Variants in ITIH1 observed in about 807,000 individuals in gnomAD.
ITIH1 encodes the protein inter-alpha-trypsin inhibitor heavy chain 1.
ITIH1 carries 94 observed loss-of-function variants against 104.6 expected under a neutral mutation model. That is an observed-to-expected ratio of 0.90 (90% confidence interval 0.76 to 1.07). The LOEUF is 1.07. Among genes scored for constraint, ITIH1 ranks in the 50% least tolerant of loss-of-function variants. ITIH1 has a pLI of 0.00. For missense variants in ITIH1, 1,193 were observed against 1,181.4 expected, an observed-to-expected ratio of 1.01 and a Z score of -0.14; for synonymous variants, 455 against 464.4, an observed-to-expected ratio of 0.98 and a Z score of 0.26.
intron 10 of ITIH1, 56 bp downstream of exon 10, chr3:52,783,395 T>G: frequency 8.2e-6 from 13 of 1,581,180 alleles, no homozygotes; most frequent in Non-Finnish European, 9.5e-6. Flanking sequence ...ACCCGAGACA[T>G]GCAAGCTGAA....
At position 52,780,287 on chromosome 3, in the gene ITIH1, G is replaced by A. The variant is rs1047187305; in HGVS notation, c.592G>A (p.Glu198Lys). 1.4e-5 allele frequency: 23 copies of A among 1,613,170 alleles called. No individual in the cohort carries two copies. Among genetic ancestry groups the A allele is most frequent in the East Asian group, 1.1e-4 (5 of 44,878 alleles). Residue 198 changes from glutamate to lysine, a missense_variant, in exon 6 of 22, where the codon GAG becomes AAG. Physicochemically the swap from Glu to Lys is moderately conservative, Grantham distance 56 (BLOSUM62 1). Coordinates refer to ENST00000273283, the MANE Select transcript of ITIH1 (RefSeq NM_002215.4). ...HHFEIDVDIF[E>K]PQGISKLDAQ... ...GTTGCAGATTGATGTGGACATCTTC[G>A]AGCCCCAGGGGATCAGCAAGCTGGA... is the stretch of plus-strand genomic sequence containing the variant.
chr3:52,782,929 C>T (rs1185055790), intron 8 of ITIH1, 28 bp from the exon 9 acceptor site: 2 of 1,611,982 alleles, frequency 1.2e-6, no homozygotes, highest in Admixed American at 1.7e-5. Context: ...GGGGCCCTGT[C>T]TGTCTACTGA....
intron 8 of ITIH1, 46 bp from the exon 9 acceptor site, chr3:52,782,911 G>A: frequency 4.4e-6 from 7 of 1,601,174 alleles, no homozygotes; most frequent in Non-Finnish European, 6.0e-6. Flanking sequence ...CTGTCCTGGG[G>A]CCACCCTGGG....
Position 52,790,734 on chromosome 3 carries a change from C to T in ITIH1, c.2322-15C>T, listed in dbSNP as rs1699331371. The T allele has an allele frequency of 6.2e-7, 1 of 1,607,582 alleles. No homozygotes were observed. Among genetic ancestry groups the T allele is most frequent in the Non-Finnish European group, 8.5e-7 (1 of 1,177,662 alleles). ...GTGCAGCCGCACCTGCCCTCTCGGC[C>T]ACCTGGCTCTGCAGGGTGGTGGTGA... On this transcript the variant is annotated splice_polypyrimidine_tract_variant and intron_variant, in intron 19 of 21. Transcript: ENST00000273283.
At chr3:52,785,333 C>T (rs1699174438) in intron 12 of ITIH1, 104 bp downstream of exon 12, 1 of 1,112,240 alleles carries the variant, frequency 9.0e-7, no homozygotes, top group South Asian at 1.4e-5. Flanking sequence ...CTCTCTTTCC[C>T]CAGAGTAGTA....
chr3:52,780,441 C>A lies in ITIH1; in HGVS notation c.687+59C>A, dbSNP rs927992337. On this transcript the variant is annotated intron_variant, in intron 6 of 21. Transcript: ENST00000273283. ...CTTTGGAGACTTCTCAGCCTGCCCA[C>A]CCCTTATGGAATGTCCAGCCTTAGC... is the stretch of plus-strand genomic sequence containing the variant. The A allele has an allele frequency of 2.5e-6, 3 of 1,182,476 alleles. No homozygotes were observed. In the African/African-American group the frequency reaches 4.5e-5, roughly 18 times the overall value. 73.2% of individuals were successfully genotyped at this position (1,182,476 alleles called of 1,614,324 possible).
At chr3:52,786,480 G>A in intron 13 of ITIH1, 46 bp downstream of exon 13, 2 of 1,541,714 alleles carry the variant, frequency 1.3e-6, no homozygotes, top group Non-Finnish European at 1.8e-6. Flanking sequence ...CCACCCCAGA[G>A]TCCCCCCACC....
chr3:52,780,350 C>T lies in ITIH1; in HGVS notation c.655C>T (p.Gln219Ter), dbSNP rs752264344. Residue 219 changes from glutamine (Q) to a stop codon, truncating the protein, a stop_gained, in exon 6 of 22, where the codon CAA becomes TAA. Transcript: ENST00000273283. LOFTEE classifies it high-confidence loss of function. ...TTTCCTGCCGAAGGAACTGGCAGCC[C>T]AAACTATCAAGAAGTCCTTCTCAGG... ...ASFLPKELAA[Q>*]TIKKSFSGKK... 3.1e-6 allele frequency: 5 copies of T among 1,614,008 alleles called. No homozygotes were observed. Among genetic ancestry groups the T allele is most frequent in the Non-Finnish European group, 1.7e-6 (2 of 1,179,944 alleles).
chr3:52,779,746 T>C lies in ITIH1; in HGVS notation c.573+152T>C. On this transcript the variant is annotated intron_variant, in intron 5 of 21. Transcript: ENST00000273283. This position sits in a 1 kb window ranked among gnomAD's most constrained non-coding sequence, Gnocchi z 4.4. ...CAGGGTGAGCTCTGATGTGCTCTTC[T>C]TGGGCAGGGAACTCCCTGAATTCTC... is the stretch of plus-strand genomic sequence containing the variant. 9.3e-7 allele frequency: 1 copy of C among 1,077,442 alleles called. No individual in the cohort carries two copies. Among genetic ancestry groups the C allele is most frequent in the Non-Finnish European group, 1.4e-6 (1 of 727,896 alleles). The allele number at this position is 1,077,442 out of a possible 1,614,324, so 66.7% of individuals were successfully genotyped here.
At chr3:52,778,793 C>T in intron 3 of ITIH1, 149 bp from the exon 4 acceptor site, 2 of 1,073,806 alleles carry the variant, frequency 1.9e-6, no homozygotes, top group Non-Finnish European at 2.7e-6. Context: ...CTGCTCACCT[C>T]ATTGCCCATG....
Position 52,784,520 on chromosome 3 carries a change from G to GA in ITIH1, c.1407+43_1407+44insA. On this transcript the variant is annotated intron_variant, in intron 11 of 21. Coordinates refer to ENST00000273283, the MANE Select transcript of ITIH1 (RefSeq NM_002215.4). ...CCTGTACCTCCAATGGCATGCCATAGGGAGCCCTGCCTTGGTGGCCGTTTG... is the reference window on the plus strand; with the variant it reads ...CCTGTACCTCCAATGGCATGCCATAGAGGAGCCCTGCCTTGGTGGCCGTTTG... 1.9e-6 allele frequency: 3 copies of GA among 1,588,766 alleles called. No homozygotes were observed. In the African/African-American group the frequency reaches 4.0e-5, roughly 21 times the overall value.
rs1285279261 is a variant in ITIH1 at position 52,778,469 on chromosome 3, G to C, written c.268G>C (p.Glu90Gln). 5 of 1,614,104 alleles carry C rather than the reference G, an allele frequency of 3.1e-6. No individual in the cohort carries two copies. The Admixed American group carries it at 8.3e-5, about 27-fold the overall frequency. ...AGCCAGGGAAGTGGCCTTCGACCTG[G>C]AAATCCCCAAGACAGCATTCATCAG... ...NEAREVAFDL[E>Q]IPKTAFISDF... Residue 90 changes from glutamate (E) to glutamine (Q), a missense_variant, in exon 3 of 22, where the codon GAA (glutamate) becomes CAA (glutamine). Coordinates refer to ENST00000273283, the MANE Select transcript of ITIH1 (RefSeq NM_002215.4).
Position 52,789,847 on chromosome 3 carries a change from C to G in ITIH1, c.2314C>G (p.Gln772Glu). ...CTGGAGGGACCAAGCTGTGCTGCGG[C>G]AGGACGGGTAACCTGCCAGGGCCTG... The part of the protein sequence containing the change: ...FSWRDQAVLR[Q>E]DGVVVTINKK... The change falls in exon 19 of 22, where the codon CAG (glutamine) becomes GAG (glutamate). Residue 772 changes from glutamine (Q) to glutamate (E), a missense_variant. Coordinates refer to ENST00000273283, the MANE Select transcript of ITIH1 (RefSeq NM_002215.4). 2 of 1,614,138 alleles carry G rather than the reference C, an allele frequency of 1.2e-6. No homozygotes were observed. The highest frequency in any genetic ancestry group is 8.5e-7 in the Non-Finnish European group (1 of 1,180,030).
intron 6 of ITIH1, among the ~76,000 whole-genome samples, chr3:52,781,216 T>TCTTCTC (rs1699038068): frequency 3.1e-5 from 1 of 32,560 alleles, no homozygotes; most frequent in African/African-American, 1.2e-4. Context: ...TTTTTCTTCT[T>TCTTCTC]CTTCTTCTTC....
intron 13 of ITIH1, 99 bp downstream of exon 13, chr3:52,786,533 G>C: frequency 8.4e-7 from 1 of 1,194,048 alleles, no homozygotes; most frequent in Non-Finnish European, 1.2e-6. Flanking sequence ...GGGCAAGTAG[G>C]TCAGATTTAC....
chr3:52,780,239 T>A (rs76203017), intron 5 of ITIH1, 30 bp from the exon 6 acceptor site: 122,525 of 1,531,520 alleles, frequency 0.08, 5,597 homozygotes, highest in Non-Finnish European at 0.093. Context: ...ATCTTTTTTT[T>A]TAAAAAAATA....
At chr3:52,781,017 A>G (rs1370301141) in intron 6 of ITIH1, among the ~76,000 whole-genome samples, 2 of 152,222 alleles carry the variant, frequency 1.3e-5, no homozygotes, top group Non-Finnish European at 2.9e-5. Flanking sequence ...AGTGCTTCTT[A>G]CAGTTTAGAG....
chr3:52,788,150 G>A, intron 17 of ITIH1, 82 bp from the exon 18 acceptor site: 1 of 1,516,394 alleles, frequency 6.6e-7, no homozygotes, highest in Non-Finnish European at 9.1e-7. Flanking sequence ...CTCTCTCTGG[G>A]ACCTGCCTAG....
intron 20 of ITIH1, 90 bp downstream of exon 20, chr3:52,791,011 TG>T: frequency 7.3e-7 from 1 of 1,376,920 alleles, no homozygotes. Flanking sequence ...GTTCTATAGC[TG>T]GGCACCAGGA....
Sources: gnomAD v4.1 joint callset for allele counts (sites outside exome capture counted in the v4.1 genomes callset) on GRCh38, gnomAD v4.1.1 for gene constraint, Gnocchi (gnomAD v3.1) non-coding constraint, MANE v1.5 for transcripts, NCBI Gene and HGNC (gene_info 2026-07-23, HGNC 2026-07-21) for gene names.